Variants in CFAP70 observed in about 807,000 individuals in gnomAD.
The protein encoded by CFAP70 is cilia- and flagella-associated protein 70.
A neutral mutation model predicts 137.6 loss-of-function variants in CFAP70; 81 were observed. That is an observed-to-expected ratio of 0.59 (90% CI 0.49 to 0.71). The LOEUF (loss-of-function observed/expected upper bound fraction) is 0.71, where lower values mean the gene tolerates loss of function less well. Among genes scored for constraint, CFAP70 ranks in the 30% least tolerant of loss-of-function variants. The pLI, the probability that CFAP70 is intolerant of heterozygous loss-of-function variation, is 0.00. For missense variants in CFAP70, 976 were observed against 1,226.7 expected (o/e 0.80, Z 3.05); for synonymous variants, 382 against 423.6 (o/e 0.90, Z 1.20).
Position 73,345,262 on chromosome 10 carries a change from T to G in CFAP70, c.350-148A>C. 6.2e-7 allele frequency: 1 copy of G among 1,601,854 alleles called. No homozygotes were observed. Among genetic ancestry groups the G allele is most frequent in the Non-Finnish European group, 8.5e-7 (1 of 1,172,116 alleles). On this transcript the variant is annotated intron_variant, in intron 4 of 26. Transcript: ENST00000310715. ...CTGCACTGCTGTAAAAGAATAAAATTATGCAGCATTTTGAAAATTGCCAGA... is the reference window on the plus strand; with the variant it reads ...CTGCACTGCTGTAAAAGAATAAAATGATGCAGCATTTTGAAAATTGCCAGA...
chr10:73,262,788 ATG>A (rs1261902161), intron 25 of CFAP70, among the ~76,000 whole-genome samples: 4 of 152,120 alleles, frequency 2.6e-5, no homozygotes, highest in African/African-American at 7.2e-5. Context: ...GGATTACTGT[ATG>A]TGTGTGTGTA....
exon 21 of CFAP70, chr10:73,277,248 C>T: frequency 6.2e-7 from 1 of 1,613,658 alleles, no homozygotes; most frequent in Non-Finnish European, 8.5e-7. Flanking sequence ...ACCTGCACAG[C>T]CTTGACTTTC....
intron 25 of CFAP70, among the ~76,000 whole-genome samples, chr10:73,262,991 A>G (rs2045412957): frequency 6.6e-6 from 1 of 152,228 alleles, no homozygotes; most frequent in Admixed American, 6.5e-5. Flanking sequence ...TAACCACAGT[A>G]CAATTATCAC....
chr10:73,271,770 C>G (rs1395776558), intron 24 of CFAP70, among the ~76,000 whole-genome samples: 1 of 152,094 alleles, frequency 6.6e-6, no homozygotes, highest in Non-Finnish European at 1.5e-5. Flanking sequence ...TCATGGCTCA[C>G]TGCAGCCTCT....
chr10:73,327,424 G>C (rs2051572328), intron 8 of CFAP70, among the ~76,000 whole-genome samples: 1 of 151,058 alleles, frequency 6.6e-6, no homozygotes, highest in Non-Finnish European at 1.5e-5. Context: ...TTGAAAACTG[G>C]CACAAGACAG....
At chr10:73,348,114 T>TAAA (rs761055031) in intron 4 of CFAP70, 42 bp downstream of exon 5, 1 of 1,570,424 alleles carries the variant, frequency 6.4e-7, no homozygotes, top group Admixed American at 1.7e-5. Flanking sequence ...ATTGTTACAT[T>TAAA]GAATGGCAGG....
At chr10:73,351,065 GTGTGTGTA>G (rs1376225937) in intron 3 of CFAP70, among the ~76,000 whole-genome samples, 5 of 55,662 alleles carry the variant, frequency 9.0e-5, no homozygotes, top group African/African-American at 3.0e-4. Context: ...GTGTGTGTGT[GTGTGTGTA>G]TATATATATA....
intron 19 of CFAP70, among the ~76,000 whole-genome samples, chr10:73,281,299 G>C (rs79409786): frequency 0.11 from 15,909 of 150,924 alleles, 1,201 homozygotes; most frequent in East Asian, 0.3. Context: ...ATCCTCCCAC[G>C]TGAGCCTCCC....
intron 25 of CFAP70, among the ~76,000 whole-genome samples, chr10:73,268,351 T>C (rs1300259861): frequency 6.6e-6 from 1 of 152,230 alleles, no homozygotes; most frequent in Non-Finnish European, 1.5e-5. Context: ...GATCTGTATG[T>C]ATTTGTTGAA....
At chr10:73,345,112 G>A (rs775717185) in exon 5 of CFAP70, 38 of 1,614,122 alleles carry the variant, frequency 2.4e-5, no homozygotes, top group Non-Finnish European at 3.1e-5. Flanking sequence ...TTCTGCCCAG[G>A]ACCTGTTGGA....
At chr10:73,343,223 A>AAG (rs2053425471) in intron 5 of CFAP70, among the ~76,000 whole-genome samples, 1 of 151,702 alleles carries the variant, frequency 6.6e-6, no homozygotes, top group African/African-American at 2.4e-5. Context: ...AAAAAAAAAA[A>AAG]AAAGAGAAAG....
At chr10:73,301,989 A>T (rs2048990507) in intron 12 of CFAP70, among the ~76,000 whole-genome samples, 1 of 152,176 alleles carries the variant, frequency 6.6e-6, no homozygotes, top group Non-Finnish European at 1.5e-5. Flanking sequence ...ATCATTAGAA[A>T]ATAAAAAAGA....
At chr10:73,362,202 C>T (rs2055037033), upstream of CFAP70, among the ~76,000 whole-genome samples, 1 of 152,070 alleles carries the variant, frequency 6.6e-6, no homozygotes, top group South Asian at 2.1e-4. Context: ...AAAACAATGT[C>T]CACATGCAAA....
intron 8 of CFAP70, among the ~76,000 whole-genome samples, chr10:73,330,965 ATCCTGGTTTT>A (rs1318863858): frequency 6.6e-6 from 1 of 152,184 alleles, no homozygotes; most frequent in African/African-American, 2.4e-5. Flanking sequence ...GTGGTCAATA[ATCCTGGTTTT>A]TCCCACGACA....
At chr10:73,310,216 C>T in exon 12 of CFAP70, 4 of 1,612,870 alleles carry the variant, frequency 2.5e-6, no homozygotes, top group Non-Finnish European at 3.4e-6. Context: ...AGCTGAATTT[C>T]CAACACAATG....
chr10:73,334,619 C>T (rs1373480704), intron 7 of CFAP70, among the ~76,000 whole-genome samples: 3 of 149,982 alleles, frequency 2.0e-5, no homozygotes, highest in Non-Finnish European at 4.4e-5. Context: ...CTCACTCTGT[C>T]GCCAGGCTGG....
intron 2 of CFAP70, among the ~76,000 whole-genome samples, chr10:73,354,207 T>C (rs1298023412): frequency 6.6e-6 from 1 of 152,222 alleles, no homozygotes; most frequent in Non-Finnish European, 1.5e-5. Context: ...TGTTCTGCTG[T>C]GAATATATGG....
chr10:73,313,609 G>A (rs147482618), intron 9 of CFAP70, among the ~76,000 whole-genome samples: 351 of 151,060 alleles, frequency 2.3e-3, no homozygotes, highest in African/African-American at 5.7e-3. Context: ...TTAGGGGGCC[G>A]AGGCAGGCGG....
intron 12 of CFAP70, among the ~76,000 whole-genome samples, chr10:73,306,454 G>A (rs1425685709): frequency 6.6e-6 from 1 of 152,056 alleles, no homozygotes; most frequent in Non-Finnish European, 1.5e-5. Flanking sequence ...CAGCAACAGA[G>A]GTGTGACTTG....
Sources: allele counts gnomAD v4.1 joint callset (sites outside exome capture counted in the v4.1 genomes callset), GRCh38; gene constraint gnomAD v4.1.1; transcripts MANE v1.5; gene names NCBI Gene and HGNC (gene_info 2026-07-23, HGNC 2026-07-21).